CENPE: variants seen among roughly 807,000 people sequenced by gnomAD.
CENPE encodes centromere-associated protein E.
A neutral mutation model predicts 336.1 loss-of-function variants in CENPE; 145 were observed. That is an observed-to-expected ratio of 0.43 (90% CI 0.38 to 0.50). The LOEUF is 0.50. CENPE is among the 20% of genes least tolerant of loss of function. The pLI is 0.00. For synonymous variants in CENPE, 1,013 were observed against 984.8 expected (o/e 1.03, Z -0.54); for missense variants, 2,719 against 3,023.3 (o/e 0.90, Z 2.36).
intron 13 of CENPE, among the ~76,000 whole-genome samples, chr4:103,179,605 C>T (rs1419514714): frequency 6.6e-6 from 1 of 152,190 alleles, no homozygotes; most frequent in Non-Finnish European, 1.5e-5. Context: ...GTGGAAAGTG[C>T]TGTGTTGAGC....
At chr4:103,136,019 T>TAATC (rs1173863877) in intron 40 of CENPE, 122 bp downstream of exon 40, 1 of 797,824 alleles carries the variant, frequency 1.3e-6, no homozygotes, top group Non-Finnish European at 2.0e-6. Flanking sequence ...CAGACCCACA[T>TAATC]AATCTTTAAT....
intron 13 of CENPE, among the ~76,000 whole-genome samples, chr4:103,178,185 G>A (rs1415631021): frequency 6.6e-6 from 1 of 151,648 alleles, no homozygotes; most frequent in African/African-American, 2.4e-5. Flanking sequence ...ACCCTACACG[G>A]CACACTCAAA....
chr4:103,125,116 G>C (rs1750979124), intron 42 of CENPE, among the ~76,000 whole-genome samples: 1 of 152,080 alleles, frequency 6.6e-6, no homozygotes, highest in African/African-American at 2.4e-5. Flanking sequence ...GGCTAGCTCT[G>C]ACTAATCAAT....
chr4:103,154,788 T>C (rs1003850793), intron 24 of CENPE, among the ~76,000 whole-genome samples: 2 of 152,208 alleles, frequency 1.3e-5, no homozygotes, highest in African/African-American at 4.8e-5. Flanking sequence ...AAAATTGTCC[T>C]TTATATAAGA....
At position 103,148,958 on chromosome 4, in the gene CENPE, G is replaced by A. The variant is rs747893759; in HGVS notation, c.3729C>T (p.His1243=). 1.2e-6 allele frequency: 2 copies of A among 1,613,666 alleles called. No homozygotes were observed. Among genetic ancestry groups the A allele is most frequent in the Non-Finnish European group, 1.7e-6 (2 of 1,179,802 alleles). ...CAATAGTTTCTTGGTGTTCTTTTAG[G>A]TGAATATGAGCAATTTTTAGTTCTT... ...TKEELKIAHI[H]LKEHQETIDE... Residue 1243 remains histidine (H), a synonymous_variant, in exon 28 of 49, where the codon CAC becomes CAT. Coordinates refer to ENST00000265148, the MANE Select transcript of CENPE (RefSeq NM_001813.3).
intron 16 of CENPE, among the ~76,000 whole-genome samples, chr4:103,169,972 T>C (rs1578652102): frequency 6.6e-6 from 1 of 152,232 alleles, no homozygotes; most frequent in Non-Finnish European, 1.5e-5. Context: ...GATGAGTTCA[T>C]GTCCTTTGCA....
At chr4:103,141,205 A>C in intron 35 of CENPE, 101 bp from the exon 36 acceptor site, 4 of 684,476 alleles carry the variant, frequency 5.8e-6, no homozygotes, top group African/African-American at 1.8e-5. Context: ...TGTTACTCTC[A>C]CTGATATCCT....
chr4:103,137,438 C>T (rs12331907), intron 39 of CENPE, among the ~76,000 whole-genome samples: 1,541 of 152,158 alleles, frequency 0.01, 30 homozygotes, highest in African/African-American at 0.035. Context: ...AAAACAAGGG[C>T]GTTCTCACAA....
chr4:103,119,975 C>T (rs1750466937), intron 44 of CENPE, among the ~76,000 whole-genome samples, 173 bp downstream of exon 44: 2 of 151,782 alleles, frequency 1.3e-5, no homozygotes, highest in African/African-American at 2.4e-5. Context: ...ACAATATGCT[C>T]CTACATTTCA....
In CENPE at chr4:103,159,060, A is replaced by C. The variant is rs75568479; in HGVS notation, c.2551T>G (p.Ser851Ala). The change falls in exon 22 of 49, where the codon TCT (serine) becomes GCT (alanine). Residue 851 changes from serine (S) to alanine (A), a missense_variant. Transcript: ENST00000265148. ...ERMNQEIVNL[S>A]KEAQKFDSSL... is the part of the protein sequence containing the mutation. Reference sequence around the variant, plus strand: ...GAATCAAATTTTTGGGCTTCTTTAGAGAGATTAACTATTTCCTGATTCATT... The same window carrying C: ...GAATCAAATTTTTGGGCTTCTTTAGCGAGATTAACTATTTCCTGATTCATT... 2.8e-3 allele frequency: 4,332 copies of C among 1,551,262 alleles called. 47 individuals carry two copies. In the African/African-American group the frequency reaches 0.035, roughly 13 times the overall value.
intron 24 of CENPE, among the ~76,000 whole-genome samples, chr4:103,155,162 T>C (rs1006561579): frequency 6.6e-6 from 1 of 152,190 alleles, no homozygotes; most frequent in Admixed American, 6.5e-5. Flanking sequence ...ATCTTAGCTG[T>C]TCCCAGTGAG....
chr4:103,168,824 C>A (rs1353762253), intron 16 of CENPE, among the ~76,000 whole-genome samples: 1 of 152,172 alleles, frequency 6.6e-6, no homozygotes, highest in Admixed American at 6.5e-5. Flanking sequence ...TGACCTCAGT[C>A]ATACTATAGA....
At chr4:103,154,709 C>CA (rs1231870875) in intron 24 of CENPE, among the ~76,000 whole-genome samples, 1 of 151,944 alleles carries the variant, frequency 6.6e-6, no homozygotes, top group Non-Finnish European at 1.5e-5. Context: ...TCAACTACCA[C>CA]AGTTATGAAT....
At chr4:103,138,915 C>T (rs1578586860) in intron 38 of CENPE, among the ~76,000 whole-genome samples, 1 of 152,268 alleles carries the variant, frequency 6.6e-6, no homozygotes, top group Admixed American at 6.5e-5. Context: ...TCCTACTCTT[C>T]CAAATCTCTG....
At chr4:103,169,154 G>GA (rs1755174485) in intron 16 of CENPE, among the ~76,000 whole-genome samples, 1 of 151,144 alleles carries the variant, frequency 6.6e-6, no homozygotes. Flanking sequence ...TGAACAAAAT[G>GA]AAAAATGCAA....
At chr4:103,181,303 T>G in intron 12 of CENPE, 34 bp downstream of exon 12, 1 of 1,425,602 alleles carries the variant, frequency 7.0e-7, no homozygotes, top group Non-Finnish European at 9.4e-7. Context: ...AAATTGGTTC[T>G]TTCAATTTAA....
At chr4:103,127,382 C>G (rs1476716407) in intron 42 of CENPE, among the ~76,000 whole-genome samples, 4 of 151,952 alleles carry the variant, frequency 2.6e-5, no homozygotes, top group African/African-American at 9.7e-5. Flanking sequence ...GAAATAAAGA[C>G]TTTCTGAGAC....
chr4:103,140,442 G>T (rs762840212), intron 36 of CENPE, 28 bp from the exon 37 acceptor site: 2 of 1,479,970 alleles, frequency 1.4e-6, no homozygotes, highest in South Asian at 2.6e-5. Flanking sequence ...ATCAAGAAAT[G>T]TAATGATATA....
At chr4:103,148,392 T>C (rs551641892) in intron 28 of CENPE, among the ~76,000 whole-genome samples, 2 of 152,336 alleles carry the variant, frequency 1.3e-5, no homozygotes, top group East Asian at 1.9e-4. Flanking sequence ...AGTGGTACCA[T>C]GTAATTTTGC....
Sources: allele counts gnomAD v4.1 joint callset (sites outside exome capture counted in the v4.1 genomes callset), GRCh38; gene constraint gnomAD v4.1.1; transcripts MANE v1.5; gene names NCBI Gene and HGNC (gene_info 2026-07-23, HGNC 2026-07-21).